CD96: variants seen among roughly 807,000 people sequenced by gnomAD.
The protein encoded by CD96 is T-cell surface protein tactile.
Under a neutral mutation model 71.3 loss-of-function variants are expected in CD96, and 70 were observed. The ratio of observed to expected loss-of-function variants is 0.98; its 90% CI spans 0.81 to 1.20. The LOEUF is 1.20. Among genes scored for constraint, CD96 ranks in the 50% most tolerant of loss-of-function variants. The pLI is 0.00. For missense variants in CD96, 742 were observed against 677.5 expected (o/e 1.10, Z -1.06); for synonymous variants, 248 against 233.0 (o/e 1.06, Z -0.59).
chr3:111,609,560 A>C (rs977209772), intron 8 of CD96, among the ~76,000 whole-genome samples: 2 of 152,226 alleles, frequency 1.3e-5, no homozygotes, highest in Non-Finnish European at 2.9e-5. Flanking sequence ...TGCTTATATC[A>C]GTGCTTACAA....
chr3:111,618,175 GT>G (rs1559759715), intron 8 of CD96, among the ~76,000 whole-genome samples: 3 of 152,214 alleles, frequency 2.0e-5, no homozygotes, highest in Non-Finnish European at 4.4e-5. Context: ...CCCTTGGCAG[GT>G]GTGGGATCCA....
In CD96 at chr3:111,561,750, C is replaced by A. The variant is rs879615217; in HGVS notation, c.419-5773C>A. On this transcript the variant is annotated intron_variant, in intron 2 of 13. Transcript: ENST00000352690. ...GGTGGGCTCCACCCAGTTCGAGCTT[C>A]CCGGCTGCTTTGTTTACCTAAGCAA... is the stretch of plus-strand genomic sequence containing the variant. Among the ~76,000 whole-genome samples, 13 of 147,334 alleles carry A rather than the reference C, an allele frequency of 8.8e-5. No homozygotes were observed. The South Asian group carries it at 3.0e-3, about 34-fold the overall frequency.
intron 8 of CD96, among the ~76,000 whole-genome samples, chr3:111,614,765 G>A (rs1421139639): frequency 6.6e-6 from 1 of 152,184 alleles, no homozygotes; most frequent in South Asian, 2.1e-4. Context: ...GACTCCTAAT[G>A]CAGCCTCTCC....
Position 111,606,707 on chromosome 3 carries a change from A to G in CD96, c.1095A>G (p.Glu365=). The part of the protein sequence containing the change: ...SEKITFLLGS[E]ISSTDPPLSV... The stretch of plus-strand genomic sequence containing the variant: ...TCTTTCTAATCCTTTAAGGTTCTGA[A>G]ATTTCCTCAACAGACCCTCCACTGA... The change falls in exon 8 of 14, where the codon GAA becomes GAG. Residue 365 remains glutamate, a synonymous_variant. Coordinates refer to ENST00000352690, the MANE Select transcript of CD96 (RefSeq NM_005816.5). 1 of 1,556,320 alleles carries G rather than the reference A, an allele frequency of 6.4e-7. No homozygotes were observed. Among genetic ancestry groups the G allele is most frequent in the Non-Finnish European group, 8.9e-7 (1 of 1,127,326 alleles).
rs529657102 is a variant in CD96 at position 111,551,457 on chromosome 3, CT to C, written c.418+6060del. On this transcript the variant is annotated intron_variant, in intron 2 of 13. Coordinates refer to ENST00000352690, the MANE Select transcript of CD96 (RefSeq NM_005816.5). ...GGAGATTACAGCAGAAGTTGACAAA[CT>C]TTTTCTCTGAAGGGTCATGCTAAGC... Among the ~76,000 whole-genome samples the C allele has an allele frequency of 7.2e-5, 11 of 152,220 alleles. No homozygotes were observed. In the East Asian group the frequency reaches 1.9e-3, roughly 27 times the overall value.
At chr3:111,584,705 T>C (rs759965186) in intron 4 of CD96, among the ~76,000 whole-genome samples, 1 of 152,128 alleles carries the variant, frequency 6.6e-6, no homozygotes, top group Non-Finnish European at 1.5e-5. Context: ...GAGAATAGCA[T>C]GGGAAAGACC....
intron 12 of CD96, among the ~76,000 whole-genome samples, chr3:111,638,679 T>A (rs1483418493): frequency 6.6e-6 from 1 of 152,156 alleles, no homozygotes; most frequent in Non-Finnish European, 1.5e-5. Flanking sequence ...CTAATGAAGG[T>A]CATGATTGTA....
At chr3:111,552,094 T>C (rs1028409275) in intron 2 of CD96, among the ~76,000 whole-genome samples, 4 of 152,192 alleles carry the variant, frequency 2.6e-5, no homozygotes, top group Non-Finnish European at 5.9e-5. Context: ...ATATATGTCT[T>C]CTTTTGAGAA....
chr3:111,635,986 C>T (rs77401624), intron 10 of CD96, among the ~76,000 whole-genome samples: 3 of 152,220 alleles, frequency 2.0e-5, no homozygotes, highest in East Asian at 1.9e-4. Flanking sequence ...AATCAAATTC[C>T]GGCGAATGGC....
At chr3:111,636,787 C>T (rs890541178) in intron 10 of CD96, among the ~76,000 whole-genome samples, 1 of 152,220 alleles carries the variant, frequency 6.6e-6, no homozygotes, top group Non-Finnish European at 1.5e-5. Flanking sequence ...GTCCCCTATG[C>T]ATGTTCTAGC....
intron 2 of CD96, among the ~76,000 whole-genome samples, chr3:111,562,178 T>A (rs1935478016): frequency 6.6e-6 from 1 of 152,208 alleles, no homozygotes; most frequent in African/African-American, 2.4e-5. Context: ...TCTGCGTCGC[T>A]CACGTTGGGA....
intron 12 of CD96, among the ~76,000 whole-genome samples, chr3:111,644,815 C>T (rs1412518455): frequency 4.6e-5 from 7 of 151,980 alleles, no homozygotes; most frequent in East Asian, 1.9e-4. Flanking sequence ...AATGACAATG[C>T]GATACCACCT....
chr3:111,606,118 GACACACGCACGC>G (rs1382978382), intron 7 of CD96, among the ~76,000 whole-genome samples: 2 of 151,888 alleles, frequency 1.3e-5, no homozygotes, highest in Non-Finnish European at 2.9e-5. Context: ...CCCCAACACA[GACACACGCACGC>G]ACACACACAA....
chr3:111,579,362 C>G, intron 4 of CD96, 128 bp downstream of exon 4: 1 of 738,898 alleles, frequency 1.4e-6, no homozygotes, highest in East Asian at 2.6e-5. Context: ...AGTCTGTTTC[C>G]CTGGATACTT....
Position 111,637,205 on chromosome 3 carries a change from G to A in CD96, c.1331G>A (p.Arg444Gln), listed in dbSNP as rs757166245. The A allele has an allele frequency of 5.5e-5, 86 of 1,565,720 alleles. No individual in the cohort carries two copies. The highest frequency in any genetic ancestry group is 6.9e-5 in the Non-Finnish European group (78 of 1,135,834). The change falls in exon 11 of 14, where the codon CGG becomes CAG. Residue 444 changes from arginine (R) to glutamine (Q), a missense_variant. Arg to Gln is a conservative substitution (Grantham distance 43). Transcript: ENST00000352690. ...SGTDTKKSVS[R>Q]IPSETYSSSP... ...TATCTTCTTCCTTTAGCAGTTTCAC[G>A]GATACCTAGTGAAACATACAGTTCA... is the stretch of plus-strand genomic sequence containing the variant.
chr3:111,591,159 G>A (rs1391623294), intron 5 of CD96, among the ~76,000 whole-genome samples: 1 of 152,060 alleles, frequency 6.6e-6, no homozygotes, highest in East Asian at 1.9e-4. Flanking sequence ...CGGATCATGA[G>A]GTCAAGAGAT....
chr3:111,548,486 T>C (rs1934530146), intron 2 of CD96, among the ~76,000 whole-genome samples: 1 of 152,188 alleles, frequency 6.6e-6, no homozygotes, highest in Non-Finnish European at 1.5e-5. Flanking sequence ...TTTCAGTCAC[T>C]CCAAGAAATG....
Position 111,572,491 on chromosome 3 carries a change from A to T in CD96, c.543+4844A>T, listed in dbSNP as rs144881786. Among the ~76,000 whole-genome samples, 17 of 152,358 alleles carry T rather than the reference A, an allele frequency of 1.1e-4. No homozygotes were observed. In the East Asian group the frequency reaches 3.1e-3, roughly 28 times the overall value. ...AGGACACAAATATTCCAGCCAATCCATATTTTTGGTCTTTAATCTCTTCTT... is the reference window on the plus strand; with the variant it reads ...AGGACACAAATATTCCAGCCAATCCTTATTTTTGGTCTTTAATCTCTTCTT... On this transcript the variant is annotated intron_variant, in intron 3 of 13. Coordinates refer to ENST00000352690, the MANE Select transcript of CD96 (RefSeq NM_005816.5).
chr3:111,662,757 G>C (rs1940388405), intron 14 of CD96, among the ~76,000 whole-genome samples: 1 of 152,170 alleles, frequency 6.6e-6, no homozygotes, highest in Non-Finnish European at 1.5e-5. Flanking sequence ...GGGCTTCACT[G>C]TCTATATCAC....
Sources: gnomAD v4.1 joint callset for allele counts (sites outside exome capture counted in the v4.1 genomes callset) on GRCh38, gnomAD v4.1.1 for gene constraint, MANE v1.5 for transcripts, NCBI Gene and HGNC (gene_info 2026-07-23, HGNC 2026-07-21) for gene names.